Variants in GABBR2 observed in about 807,000 individuals in gnomAD.
The protein encoded by GABBR2 is gamma-aminobutyric acid type B receptor subunit 2.
In GABBR2, 23 loss-of-function variants were observed where a neutral mutation model predicts 105.6. The observed-to-expected ratio is 0.22, with a 90% confidence interval of 0.16 to 0.31. GABBR2 has a LOEUF of 0.31. GABBR2 is among the 10% of genes least tolerant of loss of function. The pLI is 1.00. For missense variants in GABBR2, 734 were observed against 1,245.5 expected (o/e 0.59, Z 6.18); for synonymous variants, 478 against 499.7 (o/e 0.96, Z 0.58).
intron 1 of GABBR2, among the ~76,000 whole-genome samples, chr9:98,613,095 C>T (rs1237495140): frequency 6.6e-6 from 1 of 152,150 alleles, no homozygotes; most frequent in Non-Finnish European, 1.5e-5. Flanking sequence ...TTATTCACCC[C>T]TTCCTATACC....
chr9:98,545,546 T>C (rs529127379), intron 2 of GABBR2, among the ~76,000 whole-genome samples: 1 of 152,278 alleles, frequency 6.6e-6, no homozygotes, highest in East Asian at 1.9e-4. Context: ...TACTGATGAC[T>C]TGGTCCCACT....
At chr9:98,610,793 AC>A (rs1291586448) in intron 1 of GABBR2, among the ~76,000 whole-genome samples, 36 of 151,888 alleles carry the variant, frequency 2.4e-4, no homozygotes, top group Admixed American at 1.8e-3. Context: ...AAAAAAAAAA[AC>A]GTGTGCTGTT....
intron 8 of GABBR2, among the ~76,000 whole-genome samples, chr9:98,405,578 G>C (rs188053507): frequency 7.9e-5 from 12 of 152,276 alleles, no homozygotes; most frequent in Admixed American, 7.8e-4. Flanking sequence ...GGGATCCATG[G>C]AGGATTGGTT....
At chr9:98,541,367 TCC>T in intron 3 of GABBR2, among the ~76,000 whole-genome samples, 1 of 151,992 alleles carries the variant, frequency 6.6e-6, no homozygotes, top group Non-Finnish European at 1.5e-5. Flanking sequence ...GGCTTTTTTT[TCC>T]CCCACAACAA....
At chr9:98,431,964 C>T (rs1278157044) in intron 7 of GABBR2, among the ~76,000 whole-genome samples, 2 of 151,214 alleles carry the variant, frequency 1.3e-5, no homozygotes, top group South Asian at 2.1e-4. Flanking sequence ...GGTGTGATCT[C>T]GGCTCACTGC....
intron 1 of GABBR2, among the ~76,000 whole-genome samples, chr9:98,656,678 C>A (rs897482376): frequency 1.6e-4 from 25 of 152,142 alleles, no homozygotes; most frequent in African/African-American, 4.6e-4. Flanking sequence ...TTTTCCATTG[C>A]CAAAGAACAG....
intron 3 of GABBR2, among the ~76,000 whole-genome samples, chr9:98,515,132 G>A (rs1827732757): frequency 6.6e-6 from 1 of 152,180 alleles, no homozygotes; most frequent in Non-Finnish European, 1.5e-5. Context: ...TGTGCAAGCA[G>A]AGGTGGGTTG....
At chr9:98,647,614 C>A (rs555067770) in intron 1 of GABBR2, among the ~76,000 whole-genome samples, 4 of 152,306 alleles carry the variant, frequency 2.6e-5, no homozygotes, top group Non-Finnish European at 5.9e-5. Flanking sequence ...TGTGCCCTAT[C>A]CCCCTGGATA....
intron 13 of GABBR2, among the ~76,000 whole-genome samples, chr9:98,332,214 A>G (rs2131392530): frequency 6.6e-6 from 1 of 152,172 alleles, no homozygotes; most frequent in East Asian, 1.9e-4. Flanking sequence ...GCAGGATTAA[A>G]TGAGTGGATG....
chr9:98,507,854 A>G (rs183629003), intron 3 of GABBR2, among the ~76,000 whole-genome samples: 6 of 152,322 alleles, frequency 3.9e-5, no homozygotes, highest in Admixed American at 3.3e-4. Context: ...TGCCTGAGGA[A>G]GCAGGACCAG....
intron 14 of GABBR2, 36 bp downstream of exon 14, chr9:98,311,059 G>T: frequency 8.8e-7 from 1 of 1,138,516 alleles, no homozygotes; most frequent in Non-Finnish European, 1.3e-6. Flanking sequence ...ACAAAGAAGT[G>T]TCCCCCCTCA....
chr9:98,293,719 G>T, intron 18 of GABBR2, 66 bp downstream of exon 18: 1 of 866,694 alleles, frequency 1.2e-6, no homozygotes, highest in Non-Finnish European at 1.9e-6. Flanking sequence ...CGTGCAAATT[G>T]CAAACTCTTG....
In GABBR2 at chr9:98,311,224, G is replaced by T. The variant is rs760258268; in HGVS notation, c.1894-19C>A. On this transcript the variant is annotated intron_variant, in intron 13 of 18. Coordinates refer to ENST00000259455, the MANE Select transcript of GABBR2 (RefSeq NM_005458.8). ...GGTCCGGCTGTGCAAAGAGAAAACA[G>T]AGACTCAGGGATGGCACAGGACACT... 12 of 1,478,244 alleles carry T rather than the reference G, an allele frequency of 8.1e-6. No individual in the cohort carries two copies. In the East Asian group the frequency reaches 2.7e-4, roughly 33 times the overall value. 91.6% of individuals were successfully genotyped at this position (1,478,244 alleles called of 1,614,324 possible).
At chr9:98,453,009 C>T (rs989067465) in intron 7 of GABBR2, among the ~76,000 whole-genome samples, 6 of 152,182 alleles carry the variant, frequency 3.9e-5, no homozygotes, top group African/African-American at 4.8e-5. Context: ...GCACTGTGTG[C>T]GCAGTCAACT....
intron 1 of GABBR2, among the ~76,000 whole-genome samples, chr9:98,591,635 A>T (rs1247426740): frequency 6.6e-6 from 1 of 152,206 alleles, no homozygotes; most frequent in Non-Finnish European, 1.5e-5. Context: ...ACATGTGTCC[A>T]CTGGGGAATT....
At chr9:98,325,938 C>T (rs183263612) in intron 13 of GABBR2, among the ~76,000 whole-genome samples, 1 of 152,294 alleles carries the variant, frequency 6.6e-6, no homozygotes, top group Non-Finnish European at 1.5e-5. Flanking sequence ...TGATTCAGAA[C>T]CCCCAATATT....
chr9:98,378,329 A>G (rs980739360), intron 11 of GABBR2, among the ~76,000 whole-genome samples: 1 of 152,088 alleles, frequency 6.6e-6, no homozygotes, highest in Non-Finnish European at 1.5e-5. Flanking sequence ...GAAGAGGCCG[A>G]AGGGGTGCTT....
chr9:98,691,684 C>T (rs1441238076), intron 1 of GABBR2, among the ~76,000 whole-genome samples: 5 of 152,210 alleles, frequency 3.3e-5, no homozygotes, highest in Admixed American at 6.5e-5. Context: ...CACCTATGTG[C>T]TGGCCACATC....
At chr9:98,385,995 C>T (rs1344655706) in intron 10 of GABBR2, among the ~76,000 whole-genome samples, 1 of 152,178 alleles carries the variant, frequency 6.6e-6, no homozygotes, top group Non-Finnish European at 1.5e-5. Flanking sequence ...GGAACCTTCC[C>T]CTTACAGAGA....
Sources: allele counts gnomAD v4.1 joint callset (sites outside exome capture counted in the v4.1 genomes callset), GRCh38; gene constraint gnomAD v4.1.1; transcripts MANE v1.5; gene names NCBI Gene and HGNC (gene_info 2026-07-23, HGNC 2026-07-21).